The following COL23A1 variants were observed in gnomAD, a reference collection of about 807,000 sequenced individuals.
The protein encoded by COL23A1 is collagen type XXIII alpha 1 chain.
A neutral mutation model predicts 99.3 loss-of-function variants in COL23A1; 97 were observed. That is an observed-to-expected ratio of 0.98 (90% CI 0.83 to 1.16). The LOEUF is 1.16. Ranked by LOEUF, COL23A1 falls within the 50% of genes most tolerant of loss-of-function variation. The probability of loss-of-function intolerance (pLI) is 0.00; values close to 1 mark genes in which losing one functional copy is unlikely to be tolerated. For missense variants in COL23A1, 762 were observed against 757.4 expected (o/e 1.01, Z -0.07); for synonymous variants, 320 against 308.2 (o/e 1.04, Z -0.40).
At chr5:178,367,162 T>A (rs1439885116) in intron 2 of COL23A1, among the ~76,000 whole-genome samples, 2 of 152,206 alleles carry the variant, frequency 1.3e-5, no homozygotes, top group African/African-American at 2.4e-5. Flanking sequence ...ATCACTGGAA[T>A]ACACATCAGC....
intron 2 of COL23A1, among the ~76,000 whole-genome samples, chr5:178,380,856 G>C (rs927179778): frequency 6.6e-6 from 1 of 152,198 alleles, no homozygotes; most frequent in Admixed American, 6.5e-5. Flanking sequence ...GCCTTCCAGG[G>C]CAGCGGGTGT....
intron 2 of COL23A1, among the ~76,000 whole-genome samples, chr5:178,394,845 C>A (rs141608536): frequency 1.3e-5 from 2 of 151,838 alleles, no homozygotes; most frequent in Non-Finnish European, 2.9e-5. Flanking sequence ...TCATGCTAAG[C>A]AGCATTCGGC....
chr5:178,328,249 CCT>C (rs1759808166), intron 2 of COL23A1, among the ~76,000 whole-genome samples: 1 of 152,194 alleles, frequency 6.6e-6, no homozygotes, highest in Non-Finnish European at 1.5e-5. Context: ...CCTCATCCCC[CCT>C]GTCCCTGTCC....
rs188250733 is a variant in COL23A1, at chr5:178,256,374, C to T, written c.861G>A (p.Thr287=). ...GPKGEPGHRG[T]DGAAGPRGAP... is the part of the protein sequence containing the mutation. ...TTACCCGGGGCCCTGCAGCTCCATCCGTGCCTCGGTGGCCAGGCTCCCCCT... is the reference window on the plus strand; with the variant it reads ...TTACCCGGGGCCCTGCAGCTCCATCTGTGCCTCGGTGGCCAGGCTCCCCCT... The change falls in exon 15 of 29, where the codon ACG becomes ACA. Residue 287 remains threonine (T), a synonymous_variant. Transcript: ENST00000390654. The T allele has an allele frequency of 1.8e-3, 2,845 of 1,607,418 alleles. 8 individuals are homozygous for T. Among genetic ancestry groups the T allele is most frequent in the Non-Finnish European group, 1.6e-3 (1,850 of 1,176,436 alleles).
intron 2 of COL23A1, among the ~76,000 whole-genome samples, chr5:178,541,284 C>T (rs745578331): frequency 2.6e-5 from 4 of 152,126 alleles, no homozygotes; most frequent in Non-Finnish European, 5.9e-5. Context: ...GGGACTATCA[C>T]CCTCTTTCAA....
rs553840010 is a variant in COL23A1 at position 178,347,803 on chromosome 5, C to A, written c.362-40884G>T. On this transcript the variant is annotated intron_variant, in intron 2 of 28. Coordinates refer to ENST00000390654, the MANE Select transcript of COL23A1 (RefSeq NM_173465.4). ...GGCTGAGGCAGGAGAATCACTTGAA[C>A]CCGGGAGGCGGAGCTTGCAGTGAGC... Among the ~76,000 whole-genome samples, 559 of 149,162 alleles carry A rather than the reference C, an allele frequency of 3.7e-3. 2 individuals are homozygous for A. Among genetic ancestry groups the A allele is most frequent in the African/African-American group, 0.013 (526 of 39,978 alleles).
chr5:178,343,738 C>G (rs146737687), intron 2 of COL23A1, among the ~76,000 whole-genome samples: 15,920 of 151,518 alleles, frequency 0.11, 913 homozygotes, highest in Middle Eastern at 0.19. Flanking sequence ...TCTTGGCTCA[C>G]TGCAACCTCT....
chr5:178,470,114 C>T (rs112861219), intron 2 of COL23A1, among the ~76,000 whole-genome samples: 2 of 152,340 alleles, frequency 1.3e-5, no homozygotes, highest in African/African-American at 4.8e-5. Context: ...AGCCTGCAGA[C>T]ATCTGCCTAA....
intron 2 of COL23A1, among the ~76,000 whole-genome samples, chr5:178,459,873 C>CA (rs1192860031): frequency 6.6e-6 from 1 of 152,032 alleles, no homozygotes; most frequent in Non-Finnish European, 1.5e-5. Flanking sequence ...AAAAAAGCTA[C>CA]AAAACTAATA....
chr5:178,482,616 G>A (rs1462263708), intron 2 of COL23A1, among the ~76,000 whole-genome samples: 5 of 152,198 alleles, frequency 3.3e-5, no homozygotes, highest in Non-Finnish European at 7.3e-5. Context: ...TAGGCTGGCC[G>A]GGCGTGGTGG....
At chr5:178,252,443 A>G (rs1312848540) in intron 17 of COL23A1, 101 bp downstream of exon 17, 8 of 1,137,078 alleles carry the variant, frequency 7.0e-6, no homozygotes, top group South Asian at 1.6e-5. Context: ...AGGCCAGGAC[A>G]CCCGGAGGGA....
chr5:178,582,365 G>C (rs1439493026), intron 1 of COL23A1, among the ~76,000 whole-genome samples: 1 of 152,174 alleles, frequency 6.6e-6, no homozygotes, highest in East Asian at 1.9e-4. Flanking sequence ...AGAATGCGAT[G>C]TGCAGCTGCC....
intron 2 of COL23A1, among the ~76,000 whole-genome samples, chr5:178,358,624 TG>T (rs1487134576): frequency 6.7e-6 from 1 of 148,316 alleles, no homozygotes; most frequent in Non-Finnish European, 1.5e-5. Flanking sequence ...TATGTATGTG[TG>T]TATGTGTCTA....
chr5:178,496,436 T>C (rs895224429), intron 2 of COL23A1, among the ~76,000 whole-genome samples: 2 of 152,210 alleles, frequency 1.3e-5, no homozygotes, highest in Non-Finnish European at 2.9e-5. Flanking sequence ...CACGCTCACT[T>C]ACTCATGTCT....
At position 178,365,746 on chromosome 5, in the gene COL23A1, A is replaced by G. The variant is rs566426117; in HGVS notation, c.362-58827T>C. Among the ~76,000 whole-genome samples, 1 of 152,156 alleles carries G rather than the reference A, an allele frequency of 6.6e-6. No homozygotes were observed. The highest frequency in any genetic ancestry group is 2.1e-4 in the South Asian group (1 of 4,810). The stretch of plus-strand genomic sequence containing the variant: ...AAGCCATGTCTTGTTCTCCACGCCC[A>G]GTTCTGATGTCACCTTTCTCACACC... On this transcript the variant is annotated intron_variant, in intron 2 of 28. Coordinates refer to ENST00000390654, the MANE Select transcript of COL23A1 (RefSeq NM_173465.4). The surrounding 1 kb of genome is among the most constrained non-coding windows in gnomAD (Gnocchi z 5.2).
chr5:178,390,977 A>G (rs1173855559), intron 2 of COL23A1, among the ~76,000 whole-genome samples: 1 of 152,238 alleles, frequency 6.6e-6, no homozygotes, highest in African/African-American at 2.4e-5. Context: ...CAGGGGCCCC[A>G]ACCCCTGGGC....
chr5:178,488,943 C>A (rs182754324), intron 2 of COL23A1, among the ~76,000 whole-genome samples: 1 of 152,244 alleles, frequency 6.6e-6, no homozygotes, highest in Non-Finnish European at 1.5e-5. Context: ...AGCTCTCCAA[C>A]GGGTGCTTCA....
rs537788937 is a variant in COL23A1, at chr5:178,428,657, C to T, written c.362-121738G>A. ...CTCCTGACCTCATTATGTCAGCGCCCGGATTGTGTGCTGGGGCTGGGCTGG... is the reference window on the plus strand; with the variant it reads ...CTCCTGACCTCATTATGTCAGCGCCTGGATTGTGTGCTGGGGCTGGGCTGG... On this transcript the variant is annotated intron_variant, in intron 2 of 28. Transcript: ENST00000390654. This position sits in a 1 kb window ranked among gnomAD's most constrained non-coding sequence, Gnocchi z 5.0. Among the ~76,000 whole-genome samples the T allele has an allele frequency of 9.8e-5, 15 of 152,316 alleles. No individual in the cohort carries two copies. The highest frequency in any genetic ancestry group is 7.2e-4 in the Admixed American group (11 of 15,300).
intron 2 of COL23A1, among the ~76,000 whole-genome samples, chr5:178,491,696 T>C (rs992294262): frequency 6.6e-6 from 1 of 151,934 alleles, no homozygotes; most frequent in African/African-American, 2.4e-5. Context: ...AAATGAAACA[T>C]CTTGATTTTT....
Sources: gnomAD v4.1 joint callset for allele counts (sites outside exome capture counted in the v4.1 genomes callset) on GRCh38, gnomAD v4.1.1 for gene constraint, Gnocchi (gnomAD v3.1) non-coding constraint, MANE v1.5 for transcripts, NCBI Gene and HGNC (gene_info 2026-07-23, HGNC 2026-07-21) for gene names.